The following ZNF26 variants were observed in gnomAD, a reference collection of about 807,000 sequenced individuals.
The protein encoded by ZNF26 is epididymis luminal protein 179.
A neutral mutation model predicts 54.9 loss-of-function variants in ZNF26; 32 were observed. That is an observed-to-expected ratio of 0.58 (90% CI 0.44 to 0.78). The LOEUF is 0.78. Among genes scored for constraint, ZNF26 ranks in the 30% least tolerant of loss-of-function variants. The pLI is 0.00. For missense variants in ZNF26, 524 were observed against 634.0 expected (o/e 0.83, Z 1.86); for synonymous variants, 221 against 209.2 (o/e 1.06, Z -0.49).
In ZNF26 at chr12:133,021,189, G is replaced by C. The variant is rs1486053936; in HGVS notation, c.*9708G>C. The C allele has an allele frequency of 6.8e-6, 1 of 148,128 alleles. No individual in the cohort carries two copies. The highest frequency in any genetic ancestry group is 2.5e-5 in the African/African-American group (1 of 40,098). The allele number at this position is 148,128 out of a possible 1,614,324, so 9.2% of individuals were successfully genotyped here. On this transcript the variant is annotated 3_prime_UTR_variant, in exon 4 of 4. Coordinates refer to ENST00000328654, the MANE Select transcript of ZNF26 (RefSeq NM_019591.4). ...GTTGAAGTGCAGTGGCACCGTGTCG[G>C]CTCACTGCAACCTCTGCCTCCCGGG...
Position 133,011,073 on chromosome 12 carries a change from T to C in ZNF26, c.1194T>C (p.Tyr398=). 6.2e-7 allele frequency: 1 copy of C among 1,614,124 alleles called. No individual in the cohort carries two copies. The highest frequency in any genetic ancestry group is 1.1e-5 in the South Asian group (1 of 91,086). The change falls in exon 4 of 4, where the codon TAT becomes TAC. Residue 398 remains tyrosine, a synonymous_variant. Transcript: ENST00000328654. ...HLRAHAGEKP[Y]GCSECGKAFS... ...GAGCTCATGCAGGAGAGAAGCCCTA[T>C]GGATGCAGTGAATGTGGGAAGGCTT...
intron 1 of ZNF26, among the ~76,000 whole-genome samples, chr12:133,002,646 A>G (rs1252451022): frequency 1.3e-5 from 2 of 151,298 alleles, no homozygotes; most frequent in East Asian, 3.9e-4. Context: ...TTGTTTTGAG[A>G]TGTAGTCTTC....
Position 133,019,095 on chromosome 12 carries a change from A to G in ZNF26, c.*7614A>G, listed in dbSNP as rs1953605194. ...CCAGTGGCTTTCTAATATCAGACAC[A>G]ATAGAGTTTAAAACAAAAGTTTTAC... On this transcript the variant is annotated 3_prime_UTR_variant, in exon 4 of 4. Coordinates refer to ENST00000328654, the MANE Select transcript of ZNF26 (RefSeq NM_019591.4). 1.3e-5 allele frequency: 2 copies of G among 152,232 alleles called. No individual in the cohort carries two copies. The highest frequency in any genetic ancestry group is 2.9e-5 in the Non-Finnish European group (2 of 68,042). 9.4% of individuals were successfully genotyped at this position (152,232 alleles called of 1,614,324 possible).
intron 1 of ZNF26, among the ~76,000 whole-genome samples, chr12:132,989,397 T>C (rs1952899336): frequency 6.6e-6 from 1 of 152,186 alleles, no homozygotes; most frequent in African/African-American, 2.4e-5. Context: ...TATTCCTTCC[T>C]TCACAGTCAT....
At chr12:133,009,548 C>T (rs1290731922) in intron 3 of ZNF26, among the ~76,000 whole-genome samples, 1 of 151,646 alleles carries the variant, frequency 6.6e-6, no homozygotes, top group African/African-American at 2.4e-5. Context: ...GCCAAGATTG[C>T]GCCACTGCAC....
intron 1 of ZNF26, among the ~76,000 whole-genome samples, chr12:132,991,639 A>G (rs367571255): frequency 1.2e-5 from 1 of 83,092 alleles, no homozygotes; most frequent in South Asian, 5.1e-4. Flanking sequence ...ACAAAAAAAA[A>G]AAAAACCTAA....
chr12:132,990,275 G>A (rs1212303969), intron 1 of ZNF26, among the ~76,000 whole-genome samples: 2 of 152,104 alleles, frequency 1.3e-5, no homozygotes, highest in Admixed American at 6.6e-5. Flanking sequence ...GTGACAGAGC[G>A]AGACCCTGTC....
At position 133,020,714 on chromosome 12, in the gene ZNF26, T is replaced by A. The variant is rs1953628934; in HGVS notation, c.*9233T>A. The A allele has an allele frequency of 6.6e-6, 1 of 152,172 alleles. No individual in the cohort carries two copies. The highest frequency in any genetic ancestry group is 1.5e-5 in the Non-Finnish European group (1 of 68,038). The allele number at this position is 152,172 out of a possible 1,614,324, so 9.4% of individuals were successfully genotyped here. A position where few individuals can be genotyped will look rare whatever the true frequency, so the allele number is the denominator to read the frequency against. On this transcript the variant is annotated 3_prime_UTR_variant, in exon 4 of 4. Coordinates refer to ENST00000328654, the MANE Select transcript of ZNF26 (RefSeq NM_019591.4). ...TGGCTTAAACAACACAGATATATTG[T>A]CTTACTGTTCTGGAGCCTCCATGTT...
chr12:133,009,852 C>T (rs1337037860), intron 3 of ZNF26, among the ~76,000 whole-genome samples: 11 of 152,110 alleles, frequency 7.2e-5, no homozygotes, highest in Admixed American at 2.6e-4. Context: ...TACAGGTGCC[C>T]GCCACCATGC....
chr12:133,000,017 T>C (rs756006250), intron 1 of ZNF26, among the ~76,000 whole-genome samples: 14 of 152,086 alleles, frequency 9.2e-5, no homozygotes, highest in Non-Finnish European at 1.9e-4. Flanking sequence ...CTTTACCTCA[T>C]TTTTCTCATA....
rs1044563114 is a variant in ZNF26, at chr12:133,025,288, C to T, written c.*13807C>T. The T allele has an allele frequency of 2.3e-4, 35 of 152,304 alleles. No homozygotes were observed. Among genetic ancestry groups the T allele is most frequent in the African/African-American group, 8.4e-4 (35 of 41,556 alleles). The allele number at this position is 152,304 out of a possible 1,614,324, so 9.4% of individuals were successfully genotyped here. On this transcript the variant is annotated 3_prime_UTR_variant, in exon 4 of 4. Coordinates refer to ENST00000328654, the MANE Select transcript of ZNF26 (RefSeq NM_019591.4). ...GGTGTGTAAGATGAAAATAACTTGT[C>T]TCATATTTCACAGGCATTCAGATTG...
intron 1 of ZNF26, among the ~76,000 whole-genome samples, chr12:132,999,420 GA>G (rs1953163366): frequency 6.6e-6 from 1 of 151,714 alleles, no homozygotes; most frequent in African/African-American, 2.4e-5. Flanking sequence ...ACACCTGGCT[GA>G]TTTTTTTGTG....
rs1796117661 is a variant in ZNF26, at chr12:133,023,641, T to G, written c.*12160T>G. The G allele has an allele frequency of 1.2e-5, 1 of 81,910 alleles. No individual in the cohort carries two copies. The highest frequency in any genetic ancestry group is 3.5e-5 in the African/African-American group (1 of 28,720). 5.1% of individuals were successfully genotyped at this position (81,910 alleles called of 1,614,324 possible). On this transcript the variant is annotated 3_prime_UTR_variant, in exon 4 of 4. Transcript: ENST00000328654. ...GCAGATTTTATTTTCTGAAGTGGGC[T>G]ATGACAGTAGCTTCCATCTCATCTC...
chr12:132,998,836 T>C (rs917541340), intron 1 of ZNF26, among the ~76,000 whole-genome samples: 20 of 152,198 alleles, frequency 1.3e-4, no homozygotes, highest in African/African-American at 4.6e-4. Flanking sequence ...AGAAAACAGA[T>C]TCTTGCTGAA....
At position 133,012,711 on chromosome 12, in the gene ZNF26, GC is replaced by G. The variant is rs1230586306; in HGVS notation, c.*1232del. ...GGGTTCAAGCAATTTCCTTGCCTCA[GC>G]CTCCCAAGTGGCTAGGATTACATGC... is the stretch of plus-strand genomic sequence containing the variant. On this transcript the variant is annotated 3_prime_UTR_variant, in exon 4 of 4. Transcript: ENST00000328654. 1 of 144,958 alleles carries G rather than the reference GC, an allele frequency of 6.9e-6. No individual in the cohort carries two copies. The highest frequency in any genetic ancestry group is 1.5e-5 in the Non-Finnish European group (1 of 66,926). The allele number at this position is 144,958 out of a possible 1,614,324, so 9.0% of individuals were successfully genotyped here. A position where few individuals can be genotyped will look rare whatever the true frequency, so the allele number is the denominator to read the frequency against.
rs1271524663 is a variant in ZNF26, at chr12:133,013,703, G to A, written c.*2222G>A. The A allele has an allele frequency of 1.2e-5, 2 of 162,476 alleles. No homozygotes were observed. The highest frequency in any genetic ancestry group is 4.8e-5 in the African/African-American group (2 of 41,258). 10.1% of individuals were successfully genotyped at this position (162,476 alleles called of 1,614,324 possible). A position where few individuals can be genotyped will look rare whatever the true frequency, so the allele number is the denominator to read the frequency against. ...AACTCTTCTGATAGACTTTGAATAG[G>A]AATGTCTGGGAAGAACCTGAGGACT... On this transcript the variant is annotated 3_prime_UTR_variant, in exon 4 of 4. Coordinates refer to ENST00000328654, the MANE Select transcript of ZNF26 (RefSeq NM_019591.4).
chr12:132,990,288 A>G (rs1952920201), intron 1 of ZNF26, among the ~76,000 whole-genome samples: 1 of 152,296 alleles, frequency 6.6e-6, no homozygotes, highest in African/African-American at 2.4e-5. Context: ...ACCCTGTCTC[A>G]AAAAAGAAAA....
rs1953577793 is a variant in ZNF26, at chr12:133,017,234, T to G, written c.*5753T>G. ...ATTTTTAGGGGAGTAGAGATTCTGA[T>G]TATCCCACATGGCAGGGCATTAGAC... On this transcript the variant is annotated 3_prime_UTR_variant, in exon 4 of 4. Transcript: ENST00000328654. 1 of 152,294 alleles carries G rather than the reference T, an allele frequency of 6.6e-6. No homozygotes were observed. The highest frequency in any genetic ancestry group is 2.4e-5 in the African/African-American group (1 of 41,544). 9.4% of individuals were successfully genotyped at this position (152,294 alleles called of 1,614,324 possible).
intron 1 of ZNF26, among the ~76,000 whole-genome samples, chr12:132,988,263 A>C (rs1490693496): frequency 6.7e-6 from 1 of 149,304 alleles, no homozygotes; most frequent in Non-Finnish European, 1.5e-5. Context: ...TCAAGGCAGG[A>C]TCTCACTCTG....
Sources: allele counts gnomAD v4.1 joint callset (sites outside exome capture counted in the v4.1 genomes callset), GRCh38; gene constraint gnomAD v4.1.1; transcripts MANE v1.5; gene names NCBI Gene and HGNC (gene_info 2026-07-23, HGNC 2026-07-21).